The following HERC2 variants were observed in gnomAD, a reference collection of about 807,000 sequenced individuals.
HERC2 encodes the protein E3 ubiquitin-protein ligase HERC2.
A neutral mutation model predicts 537.7 loss-of-function variants in HERC2; 102 were observed. The observed-to-expected ratio is 0.19, with a 90% confidence interval of 0.16 to 0.22. The LOEUF (loss-of-function observed/expected upper bound fraction) is 0.22. Ranked by LOEUF, HERC2 falls within the 10% of genes least tolerant of loss-of-function variation. HERC2 has a pLI of 1.00. For synonymous variants in HERC2, 2,224 were observed against 2,466.2 expected, an observed-to-expected ratio of 0.90 and a Z score of 2.91; for missense variants, 4,236 against 6,198.2, an observed-to-expected ratio of 0.68 and a Z score of 10.63.
chr15:28,208,059 T>A (rs563337174), intron 44 of HERC2, among the ~76,000 whole-genome samples: 7 of 152,192 alleles, frequency 4.6e-5, no homozygotes, highest in Non-Finnish European at 1.0e-4. Flanking sequence ...GAACAGCCAA[T>A]CCAATTCCCA....
chr15:28,311,231 G>A (rs56943892), intron 2 of HERC2, among the ~76,000 whole-genome samples: 20,476 of 150,396 alleles, frequency 0.14, 3,559 homozygotes, highest in African/African-American at 0.48. Flanking sequence ...CTGGGAGGCC[G>A]AGGTGGGCAG....
rs2142046953 is a variant in HERC2 at position 28,115,433 on chromosome 15, C to T, written c.13718G>A (p.Ser4573Asn). The part of the protein sequence containing the change: ...AGMSLTIADL[S>N]EVDKDFIPGL... ...CCTGCCGCCCCAGGGAGTTACCTCACTGAGGTCCGCGATGGTGAGGCTCAT... is the reference window on the plus strand; with the variant it reads ...CCTGCCGCCCCAGGGAGTTACCTCATTGAGGTCCGCGATGGTGAGGCTCAT... The change falls in exon 89 of 93, where the codon AGT (serine) becomes AAT (asparagine). Residue 4573 changes from serine to asparagine, a missense_variant. Ser to Asn is a conservative substitution (Grantham distance 46). Around this residue, in one of 27 missense-constraint regions of HERC2, gnomAD observed 313 missense variants for 462.6 expected, o/e 0.68. Coordinates refer to ENST00000261609, the MANE Select transcript of HERC2 (RefSeq NM_004667.6). The T allele has an allele frequency of 1.9e-6, 3 of 1,613,332 alleles. No individual in the cohort carries two copies. The highest frequency in any genetic ancestry group is 2.5e-6 in the Non-Finnish European group (3 of 1,179,494).
rs1168710779 is a variant in HERC2 at position 28,238,179 on chromosome 15, C to T, written c.3787G>A (p.Ala1263Thr). Residue 1263 changes from alanine to threonine, a missense_variant, in exon 25 of 93, where the codon GCT becomes ACT. This residue lies in a region of HERC2 where 754 missense variants were observed against 1,085.0 expected (regional missense o/e 0.69). Coordinates refer to ENST00000261609, the MANE Select transcript of HERC2 (RefSeq NM_004667.6). ...CGGGTGTCTTCAAACTGCAAAGCAG[C>T]TTCCAAAGCTACCACTGGGTCTTCC... ...AGEDPVVALE[A>T]ALQFEDTRES... The T allele has an allele frequency of 5.0e-6, 8 of 1,611,512 alleles. No homozygotes were observed. The highest frequency in any genetic ancestry group is 6.8e-6 in the Non-Finnish European group (8 of 1,179,508).
intron 85 of HERC2, among the ~76,000 whole-genome samples, chr15:28,123,461 A>G (rs1466773000): frequency 1.3e-5 from 2 of 152,190 alleles, no homozygotes; most frequent in Non-Finnish European, 2.9e-5. Flanking sequence ...ACTTCTAGAA[A>G]GCTCCAACTA....
At chr15:28,278,791 A>G (rs760904129) in intron 5 of HERC2, among the ~76,000 whole-genome samples, 1 of 152,172 alleles carries the variant, frequency 6.6e-6, no homozygotes, top group Non-Finnish European at 1.5e-5. Context: ...TCACAGTCAA[A>G]TAAAGCCAGC....
Position 28,314,246 on chromosome 15 carries a change from A to C in HERC2, c.72+7116T>G, listed in dbSNP as rs574833614. On this transcript the variant is annotated intron_variant, in intron 2 of 92. Transcript: ENST00000261609. ...AAAAAAAAATAGAAGTCAACAGAACAGACCAAGAGTAGATCCTGAAAACAG... is the reference window on the plus strand; with the variant it reads ...AAAAAAAAATAGAAGTCAACAGAACCGACCAAGAGTAGATCCTGAAAACAG... Among the ~76,000 whole-genome samples, 34 of 152,368 alleles carry C rather than the reference A, an allele frequency of 2.2e-4. No homozygotes were observed. The South Asian group carries it at 7.0e-3, about 32-fold the overall frequency.
At chr15:28,309,576 G>A (rs1251148730) in intron 2 of HERC2, among the ~76,000 whole-genome samples, 1 of 152,136 alleles carries the variant, frequency 6.6e-6, no homozygotes, top group African/African-American at 2.4e-5. Flanking sequence ...AGCAGCCAAT[G>A]AACTGCCTGT....
intron 92 of HERC2, among the ~76,000 whole-genome samples, chr15:28,112,854 G>T (rs140234305): frequency 6.0e-4 from 91 of 152,260 alleles, no homozygotes; most frequent in African/African-American, 2.1e-3. Flanking sequence ...TCTGGGGATG[G>T]CCAGATACAT....
At chr15:28,319,813 T>G (rs1381552772) in intron 2 of HERC2, among the ~76,000 whole-genome samples, 3 of 152,148 alleles carry the variant, frequency 2.0e-5, no homozygotes, top group Non-Finnish European at 4.4e-5. Flanking sequence ...TAAATTACAA[T>G]TATTAAGAAA....
At chr15:28,282,589 T>G (rs2076047137) in intron 4 of HERC2, among the ~76,000 whole-genome samples, 1 of 152,054 alleles carries the variant, frequency 6.6e-6, no homozygotes, top group Non-Finnish European at 1.5e-5. Flanking sequence ...GGGCAAAGAA[T>G]CAGTGACATA....
At chr15:28,118,913 A>G (rs7494942) in intron 86 of HERC2, among the ~76,000 whole-genome samples, 91,914 of 152,252 alleles carry the variant, frequency 0.6, 34,279 homozygotes, top group Non-Finnish European at 0.84. Context: ...GCTGAGCCAG[A>G]GCAGCCCCCA....
chr15:28,161,695 G>A (rs1341394592), intron 69 of HERC2, among the ~76,000 whole-genome samples: 1 of 152,198 alleles, frequency 6.6e-6, no homozygotes, highest in Non-Finnish European at 1.5e-5. Flanking sequence ...TGGTGCCAAT[G>A]GTCCCAGATG....
At chr15:28,256,058 A>G (rs1354376160) in intron 18 of HERC2, 31 bp downstream of exon 18, 14 of 1,604,400 alleles carry the variant, frequency 8.7e-6, no homozygotes, top group African/African-American at 1.3e-5. Context: ...ACCCTGACCC[A>G]TGCCCTCTCC....
chr15:28,138,281 C>T (rs1361131318), intron 78 of HERC2, among the ~76,000 whole-genome samples: 4 of 152,128 alleles, frequency 2.6e-5, no homozygotes, highest in Non-Finnish European at 4.4e-5. Flanking sequence ...AGGCTTTCAA[C>T]GTAGATGGAA....
In HERC2 at chr15:28,166,069, A is replaced by G. The variant is rs1364806518; in HGVS notation, c.10554+1618T>C. 3.9e-5 allele frequency among the ~76,000 whole-genome samples: 6 copies of G among 152,300 alleles called. No homozygotes were observed. In the East Asian group the frequency reaches 1.2e-3, roughly 29 times the overall value. On this transcript the variant is annotated intron_variant, in intron 68 of 92. Coordinates refer to ENST00000261609, the MANE Select transcript of HERC2 (RefSeq NM_004667.6). The stretch of plus-strand genomic sequence containing the variant: ...CAAAGAATGATGGGAATATGCCAGA[A>G]GAACACATAAAATTCTACCAACTAC...
At chr15:28,231,895 A>G (rs1901894990) in intron 30 of HERC2, among the ~76,000 whole-genome samples, 1 of 152,020 alleles carries the variant, frequency 6.6e-6, no homozygotes, top group African/African-American at 2.4e-5. Flanking sequence ...ATAAACCCAC[A>G]GGAAACTCTA....
At chr15:28,293,170 G>A in intron 3 of HERC2, 148 bp from the exon 4 acceptor site, 4 of 689,070 alleles carry the variant, frequency 5.8e-6, no homozygotes, top group Admixed American at 2.9e-5. Context: ...AATCATACCT[G>A]TAACAGACCC....
chr15:28,117,796 T>A, intron 86 of HERC2: 1 of 350,426 alleles, frequency 2.9e-6, no homozygotes, highest in Non-Finnish European at 5.6e-6. Flanking sequence ...TGCTAAAGGC[T>A]CAGGGGCCTC....
At chr15:28,255,359 A>G (rs1477807270) in intron 19 of HERC2, among the ~76,000 whole-genome samples, 1 of 152,188 alleles carries the variant, frequency 6.6e-6, no homozygotes, top group African/African-American at 2.4e-5. Flanking sequence ...AAAAACCAAA[A>G]GCAATTAAAC....
Sources: gnomAD v4.1 joint callset for allele counts (sites outside exome capture counted in the v4.1 genomes callset) on GRCh38, gnomAD v4.1.1 for gene constraint, gnomAD v4.1.1 regional missense constraint, MANE v1.5 for transcripts, NCBI Gene and HGNC (gene_info 2026-07-23, HGNC 2026-07-21) for gene names.